Variants in LAPTM4B observed in about 807,000 individuals in gnomAD.
LAPTM4B encodes lysosomal-associated transmembrane protein 4B.
LAPTM4B carries 26 observed loss-of-function variants against 28.5 expected under a neutral mutation model. The observed-to-expected ratio is 0.91, with a 90% confidence interval of 0.67 to 1.27. The LOEUF is 1.27. Among genes scored for constraint, LAPTM4B ranks in the 50% most tolerant of loss-of-function variants. The pLI, the probability that LAPTM4B is intolerant of heterozygous loss-of-function variation, is 0.00. For missense variants in LAPTM4B, 288 were observed against 285.8 expected (o/e 1.01, Z -0.06); for synonymous variants, 109 against 106.4 (o/e 1.02, Z -0.15).
At chr8:97,812,807 G>A (rs768025225) in intron 2 of LAPTM4B, among the ~76,000 whole-genome samples, 8 of 152,140 alleles carry the variant, frequency 5.3e-5, no homozygotes, top group Admixed American at 2.6e-4. Context: ...ACCAGAGGGC[G>A]GAGGGCAAAA....
chr8:97,820,413 C>G (rs1221385495), intron 5 of LAPTM4B, among the ~76,000 whole-genome samples: 1 of 150,796 alleles, frequency 6.6e-6, no homozygotes. Context: ...ACCCAGCATA[C>G]TTTGAATTTT....
In LAPTM4B at chr8:97,805,408, A is replaced by G. The variant is rs1024362574; in HGVS notation, c.155A>G (p.Gln52Arg). The change falls in exon 2 of 7, where the codon CAG (glutamine) becomes CGG (arginine). Residue 52 changes from glutamine (Q) to arginine (R), a missense_variant. Physicochemically the swap from Gln to Arg is conservative, Grantham distance 43. Coordinates refer to ENST00000521545, the MANE Select transcript of LAPTM4B (RefSeq NM_018407.6). Reference sequence around the variant, plus strand: ...TTGAGTGCCCTGGCTGATCCGGATCAGTATAACTTTTCAAGTTCTGAACTG... The same window carrying G: ...TTGAGTGCCCTGGCTGATCCGGATCGGTATAACTTTTCAAGTTCTGAACTG... ...ILLSALADPD[Q>R]YNFSSSELGG... is the part of the protein sequence containing the mutation. 6.2e-7 allele frequency: 1 copy of G among 1,610,892 alleles called. No homozygotes were observed. The highest frequency in any genetic ancestry group is 8.5e-7 in the Non-Finnish European group (1 of 1,179,448).
chr8:97,831,801 T>C (rs1489058797), intron 6 of LAPTM4B, among the ~76,000 whole-genome samples: 1 of 152,186 alleles, frequency 6.6e-6, no homozygotes, highest in Non-Finnish European at 1.5e-5. Flanking sequence ...TTCGCTGTTT[T>C]GTGGGCGCAG....
intron 6 of LAPTM4B, among the ~76,000 whole-genome samples, chr8:97,827,790 A>T (rs1286098330): frequency 6.6e-6 from 1 of 152,074 alleles, no homozygotes; most frequent in Non-Finnish European, 1.5e-5. Context: ...GGGTGGTGGG[A>T]TTGGAGCTAG....
chr8:97,787,325 G>A (rs1164749135), intron 1 of LAPTM4B, among the ~76,000 whole-genome samples: 5 of 137,942 alleles, frequency 3.6e-5, no homozygotes, highest in East Asian at 4.2e-4. Context: ...TGGCTCTGTT[G>A]CCCAGGCTGG....
intron 1 of LAPTM4B, among the ~76,000 whole-genome samples, chr8:97,778,748 C>G (rs1030857570): frequency 6.6e-6 from 1 of 151,950 alleles, no homozygotes; most frequent in Non-Finnish European, 1.5e-5. Flanking sequence ...CTCCCCCTCC[C>G]CTTTCTGAAC....
chr8:97,850,951 C>T (rs768978592), intron 6 of LAPTM4B, among the ~76,000 whole-genome samples: 2 of 151,340 alleles, frequency 1.3e-5, no homozygotes, highest in Non-Finnish European at 2.9e-5. Flanking sequence ...CCCAAGGCTA[C>T]GCTGATAAAA....
At position 97,817,445 on chromosome 8, in the gene LAPTM4B, C is replaced by CTTTTTTTTTTTTTT. The variant is rs753483537; in HGVS notation, c.408+1272_408+1285dup. Reference sequence around the variant, plus strand: ...GACTCACTGTACCAGGCCAACTTTACTTTTTTTTTTTTTTTTTTTTGAGAC... The same window carrying CTTTTTTTTTTTTTT: ...GACTCACTGTACCAGGCCAACTTTACTTTTTTTTTTTTTTTTTTTTTTTTTTTTTTTTTTGAGAC... On this transcript the variant is annotated intron_variant, in intron 4 of 6. Transcript: ENST00000521545. 2.2e-5 allele frequency among the ~76,000 whole-genome samples: 2 copies of CTTTTTTTTTTTTTT among 89,004 alleles called. 1 individual carries two copies. 58.4% of individuals were successfully genotyped at this position (89,004 alleles called of 152,430 possible). A position where few individuals can be genotyped will look rare whatever the true frequency, so the allele number is the denominator to read the frequency against.
chr8:97,796,751 C>T (rs907916533), intron 1 of LAPTM4B, among the ~76,000 whole-genome samples: 2 of 151,106 alleles, frequency 1.3e-5, no homozygotes, highest in African/African-American at 2.4e-5. Flanking sequence ...ACCAGTCTGG[C>T]CAACATGGTA....
chr8:97,822,207 A>G (rs1349162786), intron 5 of LAPTM4B, among the ~76,000 whole-genome samples: 2 of 151,824 alleles, frequency 1.3e-5, no homozygotes, highest in African/African-American at 4.9e-5. Context: ...GAAAGGCCAC[A>G]GACTCACATC....
chr8:97,832,633 C>T (rs1240687743), intron 6 of LAPTM4B, among the ~76,000 whole-genome samples: 2 of 151,900 alleles, frequency 1.3e-5, no homozygotes, highest in African/African-American at 4.8e-5. Context: ...GGTAGACCAC[C>T]AGTTGAAGTC....
chr8:97,819,012 A>G (rs897460703), intron 4 of LAPTM4B, 128 bp from the exon 5 acceptor site: 2 of 628,706 alleles, frequency 3.2e-6, no homozygotes, highest in Non-Finnish European at 5.6e-6. Flanking sequence ...GAAATTTTGT[A>G]TTGGTTCTAA....
chr8:97,831,368 C>G (rs943220786), intron 6 of LAPTM4B, among the ~76,000 whole-genome samples: 2 of 152,126 alleles, frequency 1.3e-5, no homozygotes, highest in African/African-American at 4.8e-5. Flanking sequence ...TTTGCAGACT[C>G]GGAACATAGG....
At chr8:97,808,086 GC>G (rs1563609325) in intron 2 of LAPTM4B, among the ~76,000 whole-genome samples, 3 of 151,722 alleles carry the variant, frequency 2.0e-5, no homozygotes, top group African/African-American at 7.3e-5. Context: ...CTCCCAAAGT[GC>G]TGGGATTATA....
At chr8:97,851,024 T>C (rs1047251197) in intron 6 of LAPTM4B, among the ~76,000 whole-genome samples, 3 of 149,198 alleles carry the variant, frequency 2.0e-5, no homozygotes, top group Admixed American at 2.0e-4. Flanking sequence ...CACTGCACTT[T>C]GCAGTTCTCA....
At chr8:97,779,539 CTTTGGGCG>C (rs1816277227) in intron 1 of LAPTM4B, among the ~76,000 whole-genome samples, 1 of 151,674 alleles carries the variant, frequency 6.6e-6, no homozygotes, top group Admixed American at 6.6e-5. Context: ...CCTGTAAGCA[CTTTGGGCG>C]GCCGAGGTAG....
At chr8:97,841,877 G>A (rs1324215783) in intron 6 of LAPTM4B, among the ~76,000 whole-genome samples, 1 of 152,168 alleles carries the variant, frequency 6.6e-6, no homozygotes, top group African/African-American at 2.4e-5. Context: ...GTTTTACATG[G>A]TGGAAAAGAA....
chr8:97,776,631 G>A (rs548992709), intron 1 of LAPTM4B, among the ~76,000 whole-genome samples: 1 of 152,226 alleles, frequency 6.6e-6, no homozygotes, highest in South Asian at 2.1e-4. Context: ...TCACGCCGTC[G>A]CACGTTCGGA....
chr8:97,795,551 T>G (rs1816567744), intron 1 of LAPTM4B, among the ~76,000 whole-genome samples: 1 of 152,172 alleles, frequency 6.6e-6, no homozygotes, highest in Non-Finnish European at 1.5e-5. Flanking sequence ...TATCTTTGAC[T>G]TTTAAGAAAG....
Sources: gnomAD v4.1 joint callset for allele counts (sites outside exome capture counted in the v4.1 genomes callset) on GRCh38, gnomAD v4.1.1 for gene constraint, MANE v1.5 for transcripts, NCBI Gene and HGNC (gene_info 2026-07-23, HGNC 2026-07-21) for gene names.